Variants in ANO3 observed in about 807,000 individuals in gnomAD.
ANO3 encodes the protein anoctamin 3.
ANO3 carries 99 observed loss-of-function variants against 144.8 expected under a neutral mutation model. That is an observed-to-expected ratio of 0.68 (90% CI 0.58 to 0.81). The LOEUF (loss-of-function observed/expected upper bound fraction) is 0.81, where lower values mean the gene tolerates loss of function less well. Among genes scored for constraint, ANO3 ranks in the 30% least tolerant of loss-of-function variants. The pLI, the probability that ANO3 is intolerant of heterozygous loss-of-function variation, is 0.00. For missense variants in ANO3, 905 were observed against 1,202.2 expected (o/e 0.75, Z 3.66); for synonymous variants, 414 against 392.6 (o/e 1.05, Z -0.64).
intron 1 of ANO3, among the ~76,000 whole-genome samples, chr11:26,427,998 C>T (rs1227267481): frequency 1.3e-5 from 2 of 152,010 alleles, no homozygotes; most frequent in African/African-American, 4.8e-5. Flanking sequence ...TCCCATGACA[C>T]GTGGGGAATA....
At chr11:26,648,668 A>G (rs1590676365) in intron 24 of ANO3, among the ~76,000 whole-genome samples, 2 of 152,302 alleles carry the variant, frequency 1.3e-5, no homozygotes, top group African/African-American at 4.8e-5. Flanking sequence ...CCTTACTTAA[A>G]TAAGGTATTG....
chr11:26,614,676 T>C (rs192558365), intron 17 of ANO3, among the ~76,000 whole-genome samples: 1 of 152,270 alleles, frequency 6.6e-6, no homozygotes, highest in Admixed American at 6.5e-5. Flanking sequence ...TTGCTGGTGT[T>C]TGTGGTTGCA....
intron 4 of ANO3, among the ~76,000 whole-genome samples, chr11:26,463,586 A>T (rs7124264): frequency 0.071 from 10,809 of 151,910 alleles, 632 homozygotes; most frequent in African/African-American, 0.16. Context: ...TCTGCTTGAC[A>T]AGATTATTGG....
intron 1 of ANO3, among the ~76,000 whole-genome samples, chr11:26,375,619 A>AG: frequency 1.3e-5 from 2 of 152,160 alleles, no homozygotes; most frequent in Non-Finnish European, 2.9e-5. Context: ...TCATGTGCTG[A>AG]TAGAAAATTT....
At chr11:26,209,303 G>C (rs925816184) in intron 1 of ANO3, among the ~76,000 whole-genome samples, 1 of 152,162 alleles carries the variant, frequency 6.6e-6, no homozygotes, top group African/African-American at 2.4e-5. Flanking sequence ...CTTCATCCAT[G>C]TGCCTGCAAA....
intron 6 of ANO3, among the ~76,000 whole-genome samples, chr11:26,522,503 C>T (rs1459348903): frequency 6.6e-6 from 1 of 151,876 alleles, no homozygotes; most frequent in African/African-American, 2.4e-5. Context: ...ATGACTGCAG[C>T]CTTGACACAA....
chr11:26,432,958 T>G (rs773030481), intron 1 of ANO3, among the ~76,000 whole-genome samples: 1 of 152,210 alleles, frequency 6.6e-6, no homozygotes, highest in Non-Finnish European at 1.5e-5. Flanking sequence ...GGTAGTTTGA[T>G]AGAATAGCAC....
At chr11:26,284,641 T>C (rs1339109936) in intron 1 of ANO3, among the ~76,000 whole-genome samples, 1 of 152,144 alleles carries the variant, frequency 6.6e-6, no homozygotes, top group Non-Finnish European at 1.5e-5. Context: ...GGCTCACTCC[T>C]GTAATCCCAG....
At chr11:26,386,909 G>A (rs1309653178) in intron 1 of ANO3, among the ~76,000 whole-genome samples, 2 of 152,074 alleles carry the variant, frequency 1.3e-5, no homozygotes, top group East Asian at 1.9e-4. Flanking sequence ...CTGGCATGTT[G>A]AATGTGTTTA....
At chr11:26,282,094 G>A (rs7930730) in intron 1 of ANO3, among the ~76,000 whole-genome samples, 6,445 of 152,182 alleles carry the variant, frequency 0.042, 209 homozygotes, top group African/African-American at 0.09. Flanking sequence ...AATAGAGCTT[G>A]TTTTTCCTAA....
At position 26,439,626 on chromosome 11, in the gene ANO3, A is replaced by G. The variant is rs969862685; in HGVS notation, c.47-2292A>G. Among the ~76,000 whole-genome samples, 32 of 152,390 alleles carry G rather than the reference A, an allele frequency of 2.1e-4. No individual in the cohort carries two copies. In the East Asian group the frequency reaches 6.0e-3, roughly 28 times the overall value. On this transcript the variant is annotated intron_variant, in intron 1 of 26. Transcript: ENST00000256737. ...AATCGATTTTATGGTATATGATTAT[A>G]TATCAATAAAGCCTTTAAAAACTTT...
At chr11:26,442,539 G>T (rs1178962996) in intron 2 of ANO3, among the ~76,000 whole-genome samples, 3 of 152,300 alleles carry the variant, frequency 2.0e-5, no homozygotes, top group East Asian at 3.9e-4. Flanking sequence ...GTGGCATAAA[G>T]ATTTAGTTGG....
At chr11:26,405,385 G>A (rs1857253496) in intron 1 of ANO3, among the ~76,000 whole-genome samples, 1 of 151,750 alleles carries the variant, frequency 6.6e-6, no homozygotes, top group Non-Finnish European at 1.5e-5. Context: ...TAGAAGATAT[G>A]TCCTAAATGT....
chr11:26,368,439 A>G (rs7945543), intron 1 of ANO3, among the ~76,000 whole-genome samples: 40,470 of 151,926 alleles, frequency 0.27, 6,016 homozygotes, highest in African/African-American at 0.41. Context: ...AAATAAAATC[A>G]TCCATTTCCT....
chr11:26,365,404 C>A (rs1032728984), intron 1 of ANO3, among the ~76,000 whole-genome samples: 17 of 149,262 alleles, frequency 1.1e-4, no homozygotes. Flanking sequence ...AGGCAGTGCC[C>A]TAGTGGGGAT....
At chr11:26,641,755 A>T in intron 21 of ANO3, 141 bp from the exon 22 acceptor site, 4 of 928,756 alleles carry the variant, frequency 4.3e-6, no homozygotes, top group Non-Finnish European at 5.8e-6. Flanking sequence ...CTTTTTTAAA[A>T]AACTTTTATA....
intron 4 of ANO3, among the ~76,000 whole-genome samples, chr11:26,496,837 G>A (rs1175073224): frequency 6.6e-6 from 1 of 151,814 alleles, no homozygotes; most frequent in African/African-American, 2.4e-5. Context: ...CATCCATGTT[G>A]ATGTAAAAGA....
intron 3 of ANO3, among the ~76,000 whole-genome samples, chr11:26,461,785 T>C (rs974178888): frequency 1.3e-5 from 2 of 152,086 alleles, no homozygotes; most frequent in African/African-American, 2.4e-5. Context: ...TGTTCCTTTT[T>C]TGCTTATTAT....
chr11:26,633,340 C>T (rs572004162), intron 18 of ANO3, among the ~76,000 whole-genome samples: 1 of 152,166 alleles, frequency 6.6e-6, no homozygotes, highest in African/African-American at 2.4e-5. Flanking sequence ...CTATAGATGA[C>T]CAAACTGACT....
Sources: gnomAD v4.1 joint callset for allele counts (sites outside exome capture counted in the v4.1 genomes callset) on GRCh38, gnomAD v4.1.1 for gene constraint, MANE v1.5 for transcripts, NCBI Gene and HGNC (gene_info 2026-07-23, HGNC 2026-07-21) for gene names.